E2F6: variants seen among roughly 807,000 people sequenced by gnomAD.
The protein encoded by E2F6 is E2F transcription factor 6.
E2F6 carries 19 observed loss-of-function variants against 31.5 expected under a neutral mutation model. That is an observed-to-expected ratio of 0.60 (90% CI 0.42 to 0.89). The LOEUF is 0.89. E2F6 is among the 40% of genes least tolerant of loss of function. E2F6 has a pLI of 0.00. For missense variants in E2F6, 269 were observed against 341.6 expected, an observed-to-expected ratio of 0.79 and a Z score of 1.67; for synonymous variants, 121 against 127.7, an observed-to-expected ratio of 0.95 and a Z score of 0.36.
intron 1 of E2F6, among the ~76,000 whole-genome samples, chr2:11,458,628 T>C (rs1056793494): frequency 1.3e-5 from 2 of 152,240 alleles, no homozygotes; most frequent in African/African-American, 2.4e-5. Flanking sequence ...GGCAGCAATA[T>C]GGCAAAAGGA....
intron 1 of E2F6, among the ~76,000 whole-genome samples, chr2:11,463,906 G>A (rs1247136991): frequency 1.4e-5 from 2 of 138,186 alleles, no homozygotes; most frequent in Non-Finnish European, 3.1e-5. Context: ...GCCATGATGT[G>A]CCACTGCACT....
chr2:11,457,123 T>G, intron 2 of E2F6, 56 bp downstream of exon 2: 1 of 1,263,340 alleles, frequency 7.9e-7, no homozygotes, highest in East Asian at 2.3e-5. Flanking sequence ...CAAATCATTT[T>G]AATCATAAGA....
At chr2:11,451,904 G>T (rs969735413) in intron 3 of E2F6, 98 bp from the exon 4 acceptor site, 1 of 1,216,724 alleles carries the variant, frequency 8.2e-7, no homozygotes, top group Non-Finnish European at 1.2e-6. Flanking sequence ...TTTGCCATAA[G>T]TGTTTTCCAC....
At chr2:11,453,849 C>T in intron 2 of E2F6, 51 bp from the exon 3 acceptor site, 1 of 1,489,658 alleles carries the variant, frequency 6.7e-7, no homozygotes, top group Non-Finnish European at 9.2e-7. Context: ...CATTTCTCAA[C>T]TCATTTTTAA....
chr2:11,463,411 A>G (rs912254143), intron 1 of E2F6, among the ~76,000 whole-genome samples: 7 of 152,250 alleles, frequency 4.6e-5, no homozygotes, highest in Admixed American at 2.6e-4. Context: ...ATAAGAAAAC[A>G]GTAACTAATA....
chr2:11,463,929 A>ACAGAGTG (rs1671943043), intron 1 of E2F6, among the ~76,000 whole-genome samples: 1 of 123,586 alleles, frequency 8.1e-6, no homozygotes, highest in East Asian at 2.8e-4. Flanking sequence ...AGCCAGGGTG[A>ACAGAGTG]CAGAGTGAGA....
chr2:11,455,227 G>GA, intron 2 of E2F6: 1 of 879,576 alleles, frequency 1.1e-6, no homozygotes, highest in South Asian at 3.9e-5. Context: ...TTGGTTTGCA[G>GA]AAAAAATAAT....
chr2:11,460,223 A>T (rs1318467502), intron 1 of E2F6, among the ~76,000 whole-genome samples: 2 of 152,198 alleles, frequency 1.3e-5, no homozygotes, highest in Non-Finnish European at 1.5e-5. Flanking sequence ...CTCTATACAG[A>T]TGTTTCTCTA....
intron 1 of E2F6, among the ~76,000 whole-genome samples, chr2:11,463,289 T>G (rs1337069789): frequency 6.6e-6 from 1 of 152,176 alleles, no homozygotes; most frequent in South Asian, 2.1e-4. Flanking sequence ...GCCCACTTAG[T>G]GTGAAGACAA....
At chr2:11,455,272 T>C (rs549880808) in intron 2 of E2F6, 1 of 1,025,988 alleles carries the variant, frequency 9.7e-7, no homozygotes, top group East Asian at 8.5e-5. Flanking sequence ...GTGTGGAATA[T>C]ATGACTTTCT....
At position 11,453,434 on chromosome 2, in the gene E2F6, T is replaced by C. The variant is rs868171287; in HGVS notation, c.380+148A>G. The stretch of plus-strand genomic sequence containing the variant: ...AAAATTTATGTACTCTCTAGGATGA[T>C]GCAAGAAAATTTTATAGAATTCTCT... On this transcript the variant is annotated intron_variant, in intron 3 of 6. Coordinates refer to ENST00000381525, the MANE Select transcript of E2F6 (RefSeq NM_198256.4). 2.0e-5 allele frequency: 15 copies of C among 753,916 alleles called. No individual in the cohort carries two copies. The Middle Eastern group carries it at 1.5e-3, about 77-fold the overall frequency. 46.7% of individuals were successfully genotyped at this position (753,916 alleles called of 1,614,324 possible).
intron 6 of E2F6, among the ~76,000 whole-genome samples, chr2:11,447,234 T>A (rs1436148631): frequency 6.6e-6 from 1 of 152,062 alleles, no homozygotes; most frequent in Non-Finnish European, 1.5e-5. Context: ...GTTGGCTGAG[T>A]TGAGTGGGTA....
intron 4 of E2F6, 102 bp from the exon 5 acceptor site, chr2:11,450,228 A>C: frequency 1.6e-6 from 1 of 627,922 alleles, no homozygotes; most frequent in East Asian, 3.2e-5. Flanking sequence ...GAATGTTTTT[A>C]GTTTTTATGA....
intron 6 of E2F6, among the ~76,000 whole-genome samples, 169 bp downstream of exon 6, chr2:11,447,458 T>C (rs1670787889): frequency 6.6e-6 from 1 of 152,236 alleles, no homozygotes; most frequent in African/African-American, 2.4e-5. Context: ...TACAGAAATT[T>C]AACTATAATG....
Position 11,465,899 on chromosome 2 carries a change from T to A in E2F6, c.-20A>T, listed in dbSNP as rs763557366. The A allele has an allele frequency of 9.0e-5, 137 of 1,526,542 alleles. 1 individual carries two copies. The East Asian group carries it at 3.3e-3, about 37-fold the overall frequency. The allele number at this position is 1,526,542 out of a possible 1,614,324, so 94.6% of individuals were successfully genotyped here. A position where few individuals can be genotyped will look rare whatever the true frequency, so the allele number is the denominator to read the frequency against. On this transcript the variant is annotated 5_prime_UTR_variant, in exon 1 of 7. Coordinates refer to ENST00000381525, the MANE Select transcript of E2F6 (RefSeq NM_198256.4). ...ACTCATGCTGCCCGGCCGGGCGTCC[T>A]GCTCCCCTCGCACCCCACGAGCTCT... is the stretch of plus-strand genomic sequence containing the variant.
chr2:11,456,425 T>C (rs967733826), intron 2 of E2F6, among the ~76,000 whole-genome samples: 1 of 152,104 alleles, frequency 6.6e-6, no homozygotes, highest in Non-Finnish European at 1.5e-5. Flanking sequence ...AATTCAACGT[T>C]GTGGTAAAGA....
chr2:11,455,913 C>T (rs1268834190), intron 2 of E2F6, among the ~76,000 whole-genome samples: 4 of 152,098 alleles, frequency 2.6e-5, no homozygotes, highest in Non-Finnish European at 5.9e-5. Flanking sequence ...AACAGGAAGG[C>T]GAATGGGCGG....
chr2:11,448,327 C>T (rs796629020), intron 5 of E2F6, among the ~76,000 whole-genome samples: 3 of 152,360 alleles, frequency 2.0e-5, no homozygotes, highest in African/African-American at 7.2e-5. Flanking sequence ...AGGTATCAGG[C>T]AACTTCAGTG....
intron 1 of E2F6, among the ~76,000 whole-genome samples, chr2:11,465,189 A>G (rs1672075078): frequency 1.4e-5 from 2 of 148,000 alleles, no homozygotes; most frequent in African/African-American, 4.9e-5. Flanking sequence ...AAAAAAAAAA[A>G]AAAAAAAGAA....
Sources: gnomAD v4.1 joint callset for allele counts (sites outside exome capture counted in the v4.1 genomes callset) on GRCh38, gnomAD v4.1.1 for gene constraint, MANE v1.5 for transcripts, NCBI Gene and HGNC (gene_info 2026-07-23, HGNC 2026-07-21) for gene names.